SENP2: variants seen among roughly 807,000 people sequenced by gnomAD.
SENP2 encodes the protein sentrin-specific protease 2.
Under a neutral mutation model 86.3 loss-of-function variants are expected in SENP2, and 16 were observed. That is an observed-to-expected ratio of 0.19 (90% confidence interval 0.13 to 0.28). SENP2 has a LOEUF of 0.28. Ranked by LOEUF, SENP2 falls within the 10% of genes least tolerant of loss-of-function variation. SENP2 has a pLI of 1.00. For synonymous variants in SENP2, 222 were observed against 238.7 expected (o/e 0.93, Z 0.64); for missense variants, 552 against 703.0 (o/e 0.79, Z 2.43).
Position 185,587,797 on chromosome 3 carries a change from C to A in SENP2, c.101+1283C>A, listed in dbSNP as rs536800733. Among the ~76,000 whole-genome samples the A allele has an allele frequency of 2.1e-5, 3 of 143,928 alleles. No individual in the cohort carries two copies. The East Asian group carries it at 6.2e-4, about 30-fold the overall frequency. 94.4% of individuals were successfully genotyped at this position (143,928 alleles called of 152,430 possible). A position where few individuals can be genotyped will look rare whatever the true frequency, so the allele number is the denominator to read the frequency against. On this transcript the variant is annotated intron_variant, in intron 1 of 16. Coordinates refer to ENST00000296257, the MANE Select transcript of SENP2 (RefSeq NM_021627.3). ...TTGCCCAGGCTGAAGTGCGGTGGCA[C>A]GATCTCAGCTCACTGCAACCTCTGC...
At chr3:185,627,338 G>A (rs968006033) in intron 16 of SENP2, among the ~76,000 whole-genome samples, 2 of 152,188 alleles carry the variant, frequency 1.3e-5, no homozygotes, top group Non-Finnish European at 2.9e-5. Context: ...CGGCCTGTGA[G>A]AACTGAAGCC....
intron 7 of SENP2, among the ~76,000 whole-genome samples, chr3:185,610,417 C>T (rs1722649794): frequency 6.6e-6 from 1 of 152,182 alleles, no homozygotes; most frequent in South Asian, 2.1e-4. Context: ...CAGCCTCAGC[C>T]TCCCAGAGTG....
In SENP2 at chr3:185,611,755, C is replaced by G; in HGVS notation, c.817+10C>G. 1 of 1,588,004 alleles carries G rather than the reference C, an allele frequency of 6.3e-7. No homozygotes were observed. Among genetic ancestry groups the G allele is most frequent in the East Asian group, 2.2e-5 (1 of 44,636 alleles). On this transcript the variant is annotated intron_variant, in intron 8 of 16. Coordinates refer to ENST00000296257, the MANE Select transcript of SENP2 (RefSeq NM_021627.3). ...TTTGTTCCAAAACAATGTGAGTTCC[C>G]AGATTTAGCCTTGTCTTAATATATT...
chr3:185,611,829 C>A, intron 8 of SENP2, 84 bp downstream of exon 8: 1 of 999,768 alleles, frequency 1.0e-6, no homozygotes, highest in Non-Finnish European at 1.5e-6. Context: ...AATTGACATT[C>A]AAGTGTAGAT....
chr3:185,622,681 G>A lies in SENP2; in HGVS notation c.1526+776G>A, dbSNP rs180855922. Among the ~76,000 whole-genome samples the A allele has an allele frequency of 3.9e-5, 6 of 152,072 alleles. No homozygotes were observed. The East Asian group carries it at 1.2e-3, about 29-fold the overall frequency. ...TTTCTTTGTAAGATGTGTATAAATT[G>A]TGCGCACATACATTTGCATTCATAT... On this transcript the variant is annotated intron_variant, in intron 14 of 16. Transcript: ENST00000296257.
intron 2 of SENP2, among the ~76,000 whole-genome samples, chr3:185,592,007 A>ATTTTTTTTTTTTTTTTT (rs1261238822): frequency 2.6e-4 from 9 of 35,076 alleles, no homozygotes; most frequent in East Asian, 8.3e-4. Flanking sequence ...AACCGGTAAT[A>ATTTTTTTTTTTTTTTTT]TTTCTTTTTT....
In SENP2 at chr3:185,592,007, A is replaced by ATTTTTTTTTTT. The variant is rs1261238822; in HGVS notation, c.157+1841_157+1842insTTTTTTTTTTT. Among the ~76,000 whole-genome samples the ATTTTTTTTTTT allele has an allele frequency of 6.4e-3, 224 of 34,958 alleles. 3 individuals carry two copies. Among genetic ancestry groups the ATTTTTTTTTTT allele is most frequent in the East Asian group, 0.041 (48 of 1,180 alleles). 22.9% of individuals were successfully genotyped at this position (34,958 alleles called of 152,430 possible). On this transcript the variant is annotated intron_variant, in intron 2 of 16. Transcript: ENST00000296257. ...ACTCCTGTCTTTAAGAACCGGTAATATTTCTTTTTTTTTTTTTTTTTTTTT... is the reference window on the plus strand; with the variant it reads ...ACTCCTGTCTTTAAGAACCGGTAATATTTTTTTTTTTTTTCTTTTTTTTTTTTTTTTTTTTT...
intron 15 of SENP2, among the ~76,000 whole-genome samples, chr3:185,625,402 T>C (rs562908487): frequency 3.9e-5 from 6 of 152,260 alleles, no homozygotes; most frequent in Non-Finnish European, 8.8e-5. Context: ...TGAGCCACCG[T>C]ACCCGGCCAC....
chr3:185,599,137 T>TG, intron 4 of SENP2, 113 bp downstream of exon 4: 2 of 733,164 alleles, frequency 2.7e-6, no homozygotes, highest in Non-Finnish European at 4.7e-6. Flanking sequence ...GAGAAAGACA[T>TG]TCTTTCTACC....
intron 15 of SENP2, among the ~76,000 whole-genome samples, chr3:185,625,769 A>G (rs1260620311): frequency 6.6e-6 from 1 of 152,222 alleles, no homozygotes; most frequent in African/African-American, 2.4e-5. Flanking sequence ...TCTTAGCTAG[A>G]GAAGTTACAT....
rs998601052 is a variant in SENP2 at position 185,630,516 on chromosome 3, G to C, written c.*672G>C. On this transcript the variant is annotated 3_prime_UTR_variant, in exon 17 of 17. Coordinates refer to ENST00000296257, the MANE Select transcript of SENP2 (RefSeq NM_021627.3). The stretch of plus-strand genomic sequence containing the variant: ...TTCAGAGGAAGTCTGACACTACAGC[G>C]TTGGCACAGTGCCGTGAACAGTGGA... The C allele has an allele frequency of 6.5e-6, 1 of 153,476 alleles. No individual in the cohort carries two copies. The highest frequency in any genetic ancestry group is 1.5e-5 in the Non-Finnish European group (1 of 68,642). The allele number at this position is 153,476 out of a possible 1,614,324, so 9.5% of individuals were successfully genotyped here. A position where few individuals can be genotyped will look rare whatever the true frequency, so the allele number is the denominator to read the frequency against.
At chr3:185,591,814 T>A (rs959771637) in intron 2 of SENP2, among the ~76,000 whole-genome samples, 1 of 151,544 alleles carries the variant, frequency 6.6e-6, no homozygotes, top group Admixed American at 6.6e-5. Context: ...CACTGCAGCC[T>A]CCACCTCCCT....
In SENP2 at chr3:185,609,307, G is replaced by C. The variant is rs747927384; in HGVS notation, c.679G>C (p.Gly227Arg). 1.2e-6 allele frequency: 2 copies of C among 1,613,668 alleles called. No homozygotes were observed. Among genetic ancestry groups the C allele is most frequent in the African/African-American group, 2.7e-5 (2 of 74,890 alleles). ...RKLLERLKES[G>R]HGNSVCPVTS... ...GTTATTGGAACGACTTAAAGAAAGT[G>C]GTCATGGAAACTCTGTCTGTCCTGT... is the stretch of plus-strand genomic sequence containing the variant. Residue 227 changes from glycine (G) to arginine (R), a missense_variant, in exon 7 of 17, where the codon GGT (glycine) becomes CGT (arginine). This residue lies in a region of SENP2 where 383 missense variants were observed against 427.3 expected (regional missense o/e 0.90). Transcript: ENST00000296257.
chr3:185,588,463 C>G (rs2148978676), intron 1 of SENP2, among the ~76,000 whole-genome samples: 1 of 151,942 alleles, frequency 6.6e-6, no homozygotes, highest in East Asian at 1.9e-4. Context: ...AATGCTGGGA[C>G]TACAGACGTG....
Position 185,621,873 on chromosome 3 carries a change from A to T in SENP2, c.1494A>T (p.Gly498=). The change falls in exon 14 of 17, where the codon GGA becomes GGT. Residue 498 remains glycine (G), a synonymous_variant. Transcript: ENST00000296257. ...KKCLKYLDSM[G]QKGHRICEIL... ...GTCTTAAATATCTGGATTCTATGGG[A>T]CAAAAGGGCCACAGGATCTGTGAGA... 6.2e-7 allele frequency: 1 copy of T among 1,612,310 alleles called. No homozygotes were observed.
rs35711486 is a variant in SENP2 at position 185,622,817 on chromosome 3, C to CTTTTTTT, written c.1526+930_1526+936dup. Among the ~76,000 whole-genome samples, 109 of 89,324 alleles carry CTTTTTTT rather than the reference C, an allele frequency of 1.2e-3. 1 individual carries two copies. Among genetic ancestry groups the CTTTTTTT allele is most frequent in the African/African-American group, 1.5e-3 (31 of 20,678 alleles). The allele number at this position is 89,324 out of a possible 152,430, so 58.6% of individuals were successfully genotyped here. A position where few individuals can be genotyped will look rare whatever the true frequency, so the allele number is the denominator to read the frequency against. On this transcript the variant is annotated intron_variant, in intron 14 of 16. Coordinates refer to ENST00000296257, the MANE Select transcript of SENP2 (RefSeq NM_021627.3). ...AAATTCATACTTTATTACATTCATG[C>CTTTTTTT]TTTTTTTTTTTTTTTTTTTTTTTTG...
chr3:185,617,374 GT>G (rs113404329), intron 11 of SENP2, 105 bp from the exon 12 acceptor site: 81,120 of 783,492 alleles, frequency 0.1, 6,605 homozygotes, highest in South Asian at 0.31. Context: ...TTTCTCAAGA[GT>G]CAGGTGTTGC....
Position 185,592,007 on chromosome 3 carries a change from A to AT in SENP2, c.157+1841dup, listed in dbSNP as rs1261238822. On this transcript the variant is annotated intron_variant, in intron 2 of 16. Transcript: ENST00000296257. ...ACTCCTGTCTTTAAGAACCGGTAAT[A>AT]TTTCTTTTTTTTTTTTTTTTTTTTT... 5.1e-4 allele frequency among the ~76,000 whole-genome samples: 18 copies of AT among 35,112 alleles called. No homozygotes were observed. In the South Asian group the frequency reaches 6.5e-3, roughly 13 times the overall value. The allele number at this position is 35,112 out of a possible 152,430, so 23.0% of individuals were successfully genotyped here. A position where few individuals can be genotyped will look rare whatever the true frequency, so the allele number is the denominator to read the frequency against.
intron 11 of SENP2, among the ~76,000 whole-genome samples, chr3:185,616,178 A>G: frequency 7.0e-6 from 1 of 143,018 alleles, no homozygotes; most frequent in African/African-American, 2.5e-5. Context: ...ATGTTTTAAA[A>G]GTTTAAAGGC....
Sources: gnomAD v4.1 joint callset for allele counts (sites outside exome capture counted in the v4.1 genomes callset) on GRCh38, gnomAD v4.1.1 for gene constraint, gnomAD v4.1.1 regional missense constraint, MANE v1.5 for transcripts, NCBI Gene and HGNC (gene_info 2026-07-23, HGNC 2026-07-21) for gene names.